KCNK10: variants seen among roughly 807,000 people sequenced by gnomAD.
KCNK10 encodes the protein potassium channel subfamily K member 10.
In KCNK10, 25 loss-of-function variants were observed where a neutral mutation model predicts 47.7. That is an observed-to-expected ratio of 0.52 (90% CI 0.38 to 0.73). The LOEUF (loss-of-function observed/expected upper bound fraction) is 0.73. Ranked by LOEUF, KCNK10 falls within the 30% of genes least tolerant of loss-of-function variation. The probability of loss-of-function intolerance (pLI) is 0.00; values close to 1 mark genes in which losing one functional copy is unlikely to be tolerated. For missense variants in KCNK10, 563 were observed against 714.5 expected (o/e 0.79, Z 2.42); for synonymous variants, 303 against 285.6 (o/e 1.06, Z -0.61).
intron 1 of KCNK10, among the ~76,000 whole-genome samples, chr14:88,269,604 T>A (rs1358333620): frequency 6.6e-6 from 1 of 152,090 alleles, no homozygotes; most frequent in Non-Finnish European, 1.5e-5. Flanking sequence ...GCCCAACTAA[T>A]TTTTTAATAT....
At chr14:88,304,483 T>A (rs1033973245) in intron 1 of KCNK10, among the ~76,000 whole-genome samples, 5 of 152,256 alleles carry the variant, frequency 3.3e-5, no homozygotes, top group Admixed American at 3.3e-4. Context: ...TTCATGGTGT[T>A]CTGCAGTCAT....
Position 88,216,133 on chromosome 14 carries a change from G to A in KCNK10, c.681+11242C>T, listed in dbSNP as rs547260364. Among the ~76,000 whole-genome samples, 6 of 152,236 alleles carry A rather than the reference G, an allele frequency of 3.9e-5. No individual in the cohort carries two copies. The Middle Eastern group carries it at 0.017, about 432-fold the overall frequency. On this transcript the variant is annotated intron_variant, in intron 4 of 6. Coordinates refer to ENST00000319231, the MANE Select transcript of KCNK10 (RefSeq NM_138317.3). ...GTCTCCAGGCATTTTTGCTTTCTTG[G>A]TGAGAAATGATCTCATTCCCGGAGT...
chr14:88,256,358 C>A (rs1448938043), intron 2 of KCNK10, among the ~76,000 whole-genome samples: 2 of 152,118 alleles, frequency 1.3e-5, no homozygotes, highest in Non-Finnish European at 2.9e-5. Flanking sequence ...GCTTTGAGGC[C>A]GCCTGAGCCC....
chr14:88,310,219 T>TATGATATGGTATATCATATACCATATCAG, intron 1 of KCNK10, among the ~76,000 whole-genome samples: 1 of 144,670 alleles, frequency 6.9e-6, no homozygotes, highest in Admixed American at 6.7e-5. Flanking sequence ...TACCATATCA[T>TATGATATGGTATATCATATACCATATCAG]ATGGTATATG....
intron 1 of KCNK10, among the ~76,000 whole-genome samples, chr14:88,274,549 T>TGAAAAAAAAAAAAAAAA (rs1887483966): frequency 2.5e-5 from 1 of 40,504 alleles, no homozygotes; most frequent in Admixed American, 4.5e-4. Flanking sequence ...AGACTCTATC[T>TGAAAAAAAAAAAAAAAA]AAAAAAAAAA....
chr14:88,291,030 G>A (rs1887865323), intron 1 of KCNK10, among the ~76,000 whole-genome samples: 1 of 152,196 alleles, frequency 6.6e-6, no homozygotes, highest in Non-Finnish European at 1.5e-5. Flanking sequence ...CGCGGAAAAG[G>A]GCAGCACCTG....
intron 2 of KCNK10, among the ~76,000 whole-genome samples, chr14:88,259,847 C>T (rs957561053): frequency 1.3e-5 from 2 of 152,202 alleles, no homozygotes; most frequent in East Asian, 1.9e-4. Context: ...GAATTGTAAT[C>T]CCCAGTGTAG....
intron 4 of KCNK10, among the ~76,000 whole-genome samples, chr14:88,208,699 G>A (rs1885362409): frequency 6.6e-6 from 1 of 152,068 alleles, no homozygotes; most frequent in South Asian, 2.1e-4. Flanking sequence ...TCACATGGAA[G>A]TTCTCTGTAA....
At chr14:88,240,530 CT>C (rs1344303569) in intron 3 of KCNK10, among the ~76,000 whole-genome samples, 172 bp downstream of exon 3, 1 of 152,144 alleles carries the variant, frequency 6.6e-6, no homozygotes, top group Non-Finnish European at 1.5e-5. Flanking sequence ...CTTCATTATG[CT>C]TTGGCTTTTG....
At chr14:88,295,711 T>G (rs957461611) in intron 1 of KCNK10, among the ~76,000 whole-genome samples, 1 of 152,074 alleles carries the variant, frequency 6.6e-6, no homozygotes, top group Admixed American at 6.6e-5. Context: ...TTCCTTGAGA[T>G]CTACATGGGG....
intron 3 of KCNK10, 84 bp downstream of exon 3, chr14:88,240,619 T>C (rs553815824): frequency 1.2e-6 from 1 of 849,040 alleles, no homozygotes; most frequent in African/African-American, 1.7e-5. Flanking sequence ...AACTATAGTG[T>C]ATGCTATGAG....
intron 1 of KCNK10, among the ~76,000 whole-genome samples, chr14:88,272,873 G>C (rs1265804291): frequency 6.6e-6 from 1 of 152,130 alleles, no homozygotes; most frequent in Non-Finnish European, 1.5e-5. Context: ...TAAAATGTGC[G>C]GGTCCTAGTG....
intron 1 of KCNK10, among the ~76,000 whole-genome samples, chr14:88,321,293 G>T (rs1888541295): frequency 6.6e-6 from 1 of 152,170 alleles, no homozygotes; most frequent in South Asian, 2.1e-4. Flanking sequence ...CATGTCCTCA[G>T]GGAAGCCTTC....
intron 5 of KCNK10, among the ~76,000 whole-genome samples, chr14:88,188,397 C>T (rs1420680397): frequency 2.0e-5 from 3 of 152,130 alleles, no homozygotes; most frequent in African/African-American, 4.8e-5. Context: ...TTGACCTGAG[C>T]GTTAAGGATG....
intron 1 of KCNK10, 60 bp from the exon 2 acceptor site, chr14:88,263,611 C>T (rs1052636497): frequency 1.7e-5 from 25 of 1,433,122 alleles, no homozygotes; most frequent in Non-Finnish European, 2.1e-5. Flanking sequence ...AAATACAAAA[C>T]GTGTCAGAAA....
chr14:88,216,433 G>A (rs780048157), intron 4 of KCNK10, among the ~76,000 whole-genome samples: 3 of 152,248 alleles, frequency 2.0e-5, no homozygotes, highest in South Asian at 2.1e-4. Context: ...TCATAACTGC[G>A]GGCAGTGATG....
At chr14:88,192,110 TGA>T (rs1375874185) in intron 5 of KCNK10, 112 bp downstream of exon 5, 2 of 965,978 alleles carry the variant, frequency 2.1e-6, no homozygotes, top group African/African-American at 3.3e-5. Context: ...GTAGTGACAC[TGA>T]GTCATCTTCA....
intron 3 of KCNK10, among the ~76,000 whole-genome samples, chr14:88,232,789 T>C (rs1233070186): frequency 2.6e-5 from 4 of 152,250 alleles, no homozygotes; most frequent in African/African-American, 9.6e-5. Context: ...TGTTTTGCAG[T>C]AGTTTCCTGT....
At chr14:88,205,120 C>T (rs1049501711) in intron 4 of KCNK10, among the ~76,000 whole-genome samples, 1 of 152,220 alleles carries the variant, frequency 6.6e-6, no homozygotes, top group African/African-American at 2.4e-5. Context: ...TCTAGAATGT[C>T]ATGTAGTTGG....
Sources: gnomAD v4.1 joint callset for allele counts (sites outside exome capture counted in the v4.1 genomes callset) on GRCh38, gnomAD v4.1.1 for gene constraint, MANE v1.5 for transcripts, NCBI Gene and HGNC (gene_info 2026-07-23, HGNC 2026-07-21) for gene names.